ADAMTS9: variants seen among roughly 807,000 people sequenced by gnomAD.
ADAMTS9 encodes A disintegrin and metalloproteinase with thrombospondin motifs 9.
Under a neutral mutation model 257.1 loss-of-function variants are expected in ADAMTS9, and 107 were observed. That is an observed-to-expected ratio of 0.42 (90% CI 0.36 to 0.49). The LOEUF is 0.49. Among genes scored for constraint, ADAMTS9 ranks in the 20% least tolerant of loss-of-function variants. The pLI is 0.03. For synonymous variants in ADAMTS9, 982 were observed against 880.9 expected, an observed-to-expected ratio of 1.11 and a Z score of -2.03; for missense variants, 2,353 against 2,469.1, an observed-to-expected ratio of 0.95 and a Z score of 1.00.
intron 2 of ADAMTS9, chr3:64,685,440 C>T (rs2107064895): frequency 6.6e-6 from 1 of 152,366 alleles, no homozygotes; most frequent in African/African-American, 2.4e-5. Flanking sequence ...CCCCATTGCG[C>T]TTACAGCGCC....
intron 3 of ADAMTS9, among the ~76,000 whole-genome samples, chr3:64,668,313 A>C (rs1701398368): frequency 6.6e-6 from 1 of 152,194 alleles, no homozygotes; most frequent in African/African-American, 2.4e-5. Flanking sequence ...ATTATGCAAA[A>C]TATTATTTCA....
rs561170716 is a variant in ADAMTS9 at position 64,668,905 on chromosome 3, T to A, written c.680-10114A>T. Among the ~76,000 whole-genome samples, 4 of 152,040 alleles carry A rather than the reference T, an allele frequency of 2.6e-5. No individual in the cohort carries two copies. In the South Asian group the frequency reaches 6.2e-4, roughly 24 times the overall value. On this transcript the variant is annotated intron_variant, in intron 3 of 39. Transcript: ENST00000498707. ...AGGCATCTAAGCAACTCGTAGGGAGTGTATCTCCCACATTCTTTTGATACA... is the reference window on the plus strand; with the variant it reads ...AGGCATCTAAGCAACTCGTAGGGAGAGTATCTCCCACATTCTTTTGATACA...
chr3:64,641,739 T>C (rs1700647090), intron 12 of ADAMTS9, 109 bp downstream of exon 12: 1 of 1,428,080 alleles, frequency 7.0e-7, no homozygotes. Flanking sequence ...GTTTACGTTC[T>C]TTCTAGCTCT....
At chr3:64,599,160 T>C (rs769375379) in intron 26 of ADAMTS9, among the ~76,000 whole-genome samples, 7 of 152,184 alleles carry the variant, frequency 4.6e-5, no homozygotes, top group Non-Finnish European at 4.4e-5. Flanking sequence ...ATCTGAATCC[T>C]GAGCCTGCTT....
At chr3:64,619,537 T>C (rs1035382044) in intron 19 of ADAMTS9, among the ~76,000 whole-genome samples, 2 of 152,156 alleles carry the variant, frequency 1.3e-5, no homozygotes, top group Admixed American at 1.3e-4. Flanking sequence ...ATTTGTAAAG[T>C]GGTAAGAATA....
At position 64,611,318 on chromosome 3, in the gene ADAMTS9, C is replaced by T. The variant is rs2084662576; in HGVS notation, c.3354+2027G>A. 3.3e-5 allele frequency among the ~76,000 whole-genome samples: 5 copies of T among 152,166 alleles called. No homozygotes were observed. The South Asian group carries it at 1.0e-3, about 32-fold the overall frequency. The stretch of plus-strand genomic sequence containing the variant: ...CAATGGAATATTCTTTGGCCAAGTA[C>T]TGATACATGCTACAATATAGATGAA... On this transcript the variant is annotated intron_variant, in intron 22 of 39. Transcript: ENST00000498707.
intron 3 of ADAMTS9, among the ~76,000 whole-genome samples, chr3:64,674,092 G>A (rs11320554): frequency 1.3e-3 from 70 of 55,782 alleles, no homozygotes; most frequent in Admixed American, 6.3e-3. Context: ...TAACACTAAA[G>A]TTTTTTTTTA....
At chr3:64,671,664 C>A (rs991038725) in intron 3 of ADAMTS9, among the ~76,000 whole-genome samples, 2 of 152,214 alleles carry the variant, frequency 1.3e-5, no homozygotes, top group African/African-American at 2.4e-5. Context: ...CTTGTGCCAA[C>A]ATTTGCCTCA....
intron 30 of ADAMTS9, among the ~76,000 whole-genome samples, chr3:64,556,316 ATTTT>A (rs920441948): frequency 2.0e-5 from 3 of 151,990 alleles, no homozygotes; most frequent in African/African-American, 7.3e-5. Context: ...CTGTGCTTTT[ATTTT>A]TTTATTTTTA....
intron 15 of ADAMTS9, 88 bp from the exon 16 acceptor site, chr3:64,631,638 G>T: frequency 3.1e-6 from 4 of 1,286,764 alleles, no homozygotes; most frequent in Non-Finnish European, 4.5e-6. Flanking sequence ...CAAAGGAATA[G>T]AATATAATTC....
intron 26 of ADAMTS9, among the ~76,000 whole-genome samples, chr3:64,599,349 A>G (rs367883752): frequency 6.6e-6 from 1 of 152,216 alleles, no homozygotes; most frequent in East Asian, 1.9e-4. Context: ...TTTCTTAGGT[A>G]AACATTTATT....
At chr3:64,662,115 G>A (rs893134993) in intron 3 of ADAMTS9, among the ~76,000 whole-genome samples, 1 of 151,854 alleles carries the variant, frequency 6.6e-6, no homozygotes, top group East Asian at 1.9e-4. Context: ...TTGGTATGTT[G>A]AGTCTTCATT....
intron 28 of ADAMTS9, 155 bp from the exon 29 acceptor site, chr3:64,568,690 A>T: frequency 1.2e-6 from 1 of 811,776 alleles, no homozygotes; most frequent in South Asian, 1.8e-5. Context: ...AAGGCTTAAT[A>T]GGGAAGGAAG....
Position 64,635,175 on chromosome 3 carries a change from C to G in ADAMTS9, c.1857-1296G>C, listed in dbSNP as rs1700465572. Among the ~76,000 whole-genome samples, 6 of 152,228 alleles carry G rather than the reference C, an allele frequency of 3.9e-5. No homozygotes were observed. In the South Asian group the frequency reaches 1.0e-3, roughly 26 times the overall value. ...AGGACTCAGTGCTCCTGCAGCGTGC[C>G]CAGGTCCCACAAAGGCCCTCCTAGA... is the stretch of plus-strand genomic sequence containing the variant. On this transcript the variant is annotated intron_variant, in intron 12 of 39. Transcript: ENST00000498707.
At chr3:64,522,016 G>A in intron 39 of ADAMTS9, 150 bp downstream of exon 39, 3 of 628,744 alleles carry the variant, frequency 4.8e-6, no homozygotes, top group East Asian at 5.8e-5. Context: ...CGTGAGGACA[G>A]AGGAGCAGGA....
intron 11 of ADAMTS9, among the ~76,000 whole-genome samples, chr3:64,643,976 A>T (rs1267521284): frequency 6.6e-6 from 1 of 152,194 alleles, no homozygotes; most frequent in East Asian, 1.9e-4. Context: ...CTTTTACAAA[A>T]TAACTCTGTG....
In ADAMTS9 at chr3:64,541,081, C is replaced by T. The variant is rs372269156; in HGVS notation, c.5521+14G>A. The T allele has an allele frequency of 2.5e-5, 41 of 1,613,616 alleles. No individual in the cohort carries two copies. Among genetic ancestry groups the T allele is most frequent in the Non-Finnish European group, 3.1e-5 (37 of 1,179,786 alleles). ...AGAACGCACACGTTCCCAAAGGACT[C>T]CTCACTAACTTACTGATTATCTGCA... On this transcript the variant is annotated intron_variant, in intron 36 of 39. Coordinates refer to ENST00000498707, the MANE Select transcript of ADAMTS9 (RefSeq NM_182920.2).
chr3:64,658,693 C>T lies in ADAMTS9; in HGVS notation c.778G>A (p.Gly260Ser), dbSNP rs544021827. The T allele has an allele frequency of 1.3e-5, 21 of 1,614,100 alleles. No individual in the cohort carries two copies. The highest frequency in any genetic ancestry group is 5.3e-5 in the African/African-American group (4 of 75,012). ...GCAGAAAATGCCTCTGTTGCTAAGC[C>T]GCTGTTTAATGCTGCTACGTCACCA... is the stretch of plus-strand genomic sequence containing the variant. ...LAGDVAALNS[G>S]LATEAFSAYG... The change falls in exon 4 of 40, where the codon GGC becomes AGC. Residue 260 changes from glycine (G) to serine (S), a missense_variant. Transcript: ENST00000498707.
At chr3:64,532,476 C>G (rs181883776) in intron 38 of ADAMTS9, among the ~76,000 whole-genome samples, 7 of 152,274 alleles carry the variant, frequency 4.6e-5, no homozygotes, top group African/African-American at 1.4e-4. Context: ...GTTGAAAAAT[C>G]AAGTGGAACC....
Sources: allele counts gnomAD v4.1 joint callset (sites outside exome capture counted in the v4.1 genomes callset), GRCh38; gene constraint gnomAD v4.1.1; transcripts MANE v1.5; gene names NCBI Gene and HGNC (gene_info 2026-07-23, HGNC 2026-07-21).